SPEF2: variants seen among roughly 807,000 people sequenced by gnomAD.
The protein encoded by SPEF2 is sperm flagellar and cilia associated 2.
Under a neutral mutation model 224.6 loss-of-function variants are expected in SPEF2, and 187 were observed. The ratio of observed to expected loss-of-function variants is 0.83; its 90% CI spans 0.74 to 0.94. SPEF2 has a LOEUF of 0.94. Ranked by LOEUF, SPEF2 falls within the 40% of genes least tolerant of loss-of-function variation. The pLI is 0.00. For missense variants in SPEF2, 2,170 were observed against 2,135.6 expected, an observed-to-expected ratio of 1.02 and a Z score of -0.32; for synonymous variants, 715 against 707.3, an observed-to-expected ratio of 1.01 and a Z score of -0.17.
At chr5:35,813,056 T>C (rs1474746429) in intron 36 of SPEF2, among the ~76,000 whole-genome samples, 1 of 152,248 alleles carries the variant, frequency 6.6e-6, no homozygotes, top group Non-Finnish European at 1.5e-5. Context: ...TTTAAATATA[T>C]CTGGAGCTTA....
intron 21 of SPEF2, among the ~76,000 whole-genome samples, chr5:35,731,559 CT>C (rs1212570124): frequency 2.6e-5 from 4 of 152,078 alleles, no homozygotes; most frequent in Non-Finnish European, 5.9e-5. Context: ...AGCTTCATAA[CT>C]CATTATGGAA....
At chr5:35,713,351 G>C (rs1741590225) in intron 20 of SPEF2, among the ~76,000 whole-genome samples, 1 of 152,030 alleles carries the variant, frequency 6.6e-6, no homozygotes, top group South Asian at 2.1e-4. Context: ...TTTAATTTTT[G>C]CCATCTATTT....
intron 27 of SPEF2, 132 bp downstream of exon 27, chr5:35,771,888 C>T (rs1029091682): frequency 7.1e-6 from 8 of 1,124,558 alleles, no homozygotes; most frequent in African/African-American, 6.3e-5. Flanking sequence ...ACTAGAGACC[C>T]GGGCTTCTAT....
chr5:35,809,882 C>G (rs752779713), intron 36 of SPEF2, among the ~76,000 whole-genome samples: 3 of 152,100 alleles, frequency 2.0e-5, no homozygotes, highest in Non-Finnish European at 4.4e-5. Flanking sequence ...GGGAACAGCT[C>G]TCTTACATTG....
chr5:35,686,775 A>G (rs1438473331), intron 10 of SPEF2, among the ~76,000 whole-genome samples: 1 of 152,100 alleles, frequency 6.6e-6, no homozygotes, highest in Admixed American at 6.6e-5. Context: ...AAAATTGCCC[A>G]TTTATAGCCT....
intron 24 of SPEF2, among the ~76,000 whole-genome samples, chr5:35,756,242 A>G (rs958799352): frequency 6.6e-6 from 1 of 152,142 alleles, no homozygotes; most frequent in Non-Finnish European, 1.5e-5. Flanking sequence ...TTAGTAGCCA[A>G]TTTCGTTATC....
chr5:35,623,749 A>G (rs1020972504), intron 1 of SPEF2, among the ~76,000 whole-genome samples: 3 of 152,222 alleles, frequency 2.0e-5, no homozygotes, highest in Admixed American at 2.0e-4. Context: ...TTTAAACACG[A>G]ATGTTTGTAC....
chr5:35,750,106 G>A (rs2149715421), intron 23 of SPEF2, among the ~76,000 whole-genome samples: 1 of 152,248 alleles, frequency 6.6e-6, no homozygotes, highest in African/African-American at 2.4e-5. Flanking sequence ...GTTGGGGAAA[G>A]GACACCCTGT....
chr5:35,749,267 A>C (rs1272108223), intron 23 of SPEF2, among the ~76,000 whole-genome samples: 1 of 152,156 alleles, frequency 6.6e-6, no homozygotes, highest in Non-Finnish European at 1.5e-5. Context: ...GGAAAAGTTG[A>C]AAGCATTCCC....
intron 10 of SPEF2, among the ~76,000 whole-genome samples, chr5:35,673,263 C>T (rs573761225): frequency 6.0e-4 from 92 of 152,312 alleles, no homozygotes; most frequent in African/African-American, 1.9e-3. Context: ...AGCACAGCCC[C>T]ACACAGCAGC....
At chr5:35,622,404 A>G (rs192972217) in intron 1 of SPEF2, among the ~76,000 whole-genome samples, 1 of 152,356 alleles carries the variant, frequency 6.6e-6, no homozygotes, top group Admixed American at 6.5e-5. Context: ...GCAATAGTTC[A>G]TAACGTATTG....
chr5:35,692,580 A>G lies in SPEF2; in HGVS notation c.1755A>G (p.Ile585Met). Residue 585 changes from isoleucine to methionine, a missense_variant, in exon 12 of 37, where the codon ATA becomes ATG. Physicochemically the swap from Ile to Met is conservative, Grantham distance 10 (BLOSUM62 1). Transcript: ENST00000356031. Reference sequence around the variant, plus strand: ...TCTTTTGTACTTTAGACTTTCCTATACAGATACTTTCTATTGACACTCTTG... The same window carrying G: ...TCTTTTGTACTTTAGACTTTCCTATGCAGATACTTTCTATTGACACTCTTG... ...ILRSLQKDFP[I>M]QILSIDTLVQ... is the part of the protein sequence containing the mutation. The G allele has an allele frequency of 3.1e-6, 5 of 1,609,124 alleles. No individual in the cohort carries two copies. The highest frequency in any genetic ancestry group is 4.2e-6 in the Non-Finnish European group (5 of 1,177,726).
chr5:35,685,789 A>G lies in SPEF2; in HGVS notation c.1525-5248A>G, dbSNP rs2172756. ...TTTGGCCAATAATTTTTAAACTAGGAAAGAGTTCCCCTCCAGAAAATGGTT... is the reference window on the plus strand; with the variant it reads ...TTTGGCCAATAATTTTTAAACTAGGGAAGAGTTCCCCTCCAGAAAATGGTT... On this transcript the variant is annotated intron_variant, in intron 10 of 36. Transcript: ENST00000356031. Among the ~76,000 whole-genome samples, 37 of 151,994 alleles carry G rather than the reference A, an allele frequency of 2.4e-4. No homozygotes were observed. The East Asian group carries it at 2.9e-3, about 12-fold the overall frequency.
intron 23 of SPEF2, among the ~76,000 whole-genome samples, chr5:35,742,708 G>A (rs1464433235): frequency 6.6e-6 from 1 of 151,690 alleles, no homozygotes; most frequent in African/African-American, 2.4e-5. Flanking sequence ...TTTTCTGCTG[G>A]AGCATGCTCT....
chr5:35,728,028 A>G (rs1744970632), intron 21 of SPEF2, among the ~76,000 whole-genome samples: 2 of 152,078 alleles, frequency 1.3e-5, no homozygotes, highest in South Asian at 2.1e-4. Context: ...TTGAACTGCT[A>G]TTGAGTGCTA....
At chr5:35,671,867 A>G (rs1751255321) in intron 10 of SPEF2, among the ~76,000 whole-genome samples, 8 of 151,890 alleles carry the variant, frequency 5.3e-5, no homozygotes, top group Admixed American at 5.3e-4. Flanking sequence ...CTGTTTTTCT[A>G]GAAATGAAAA....
At position 35,763,649 on chromosome 5, in the gene SPEF2, G is replaced by A. The variant is rs770257352; in HGVS notation, c.3748G>A (p.Glu1250Lys). Reference protein sequence around the residue: ...ENVESNFEADEKLVMDTWQQA... With the variant: ...ENVESNFEADKKLVMDTWQQA... Reference sequence around the variant, plus strand: ...CGTTGAGTCCAACTTTGAGGCCGATGAAAAGTTGGTCATGGACACCTGGCA... The same window carrying A: ...CGTTGAGTCCAACTTTGAGGCCGATAAAAAGTTGGTCATGGACACCTGGCA... Residue 1250 changes from glutamate to lysine, a missense_variant, in exon 26 of 37, where the codon GAA becomes AAA. Glu to Lys is a moderately conservative substitution (Grantham distance 56). Transcript: ENST00000356031. 6 of 1,613,786 alleles carry A rather than the reference G, an allele frequency of 3.7e-6. No individual in the cohort carries two copies. The highest frequency in any genetic ancestry group is 5.1e-6 in the Non-Finnish European group (6 of 1,179,920).
rs1002321697 is a variant in SPEF2, at chr5:35,652,086, A to G, written c.792-2454A>G. ...TCTGCTACTAATAGATTATACACAT[A>G]CAATTATTACATTAGATGAAGGTCT... is the stretch of plus-strand genomic sequence containing the variant. On this transcript the variant is annotated intron_variant, in intron 6 of 36. Coordinates refer to ENST00000356031, the MANE Select transcript of SPEF2 (RefSeq NM_024867.4). 1.7e-4 allele frequency among the ~76,000 whole-genome samples: 26 copies of G among 152,220 alleles called. 1 individual carries two copies. Among genetic ancestry groups the G allele is most frequent in the African/African-American group, 6.3e-4 (26 of 41,462 alleles).
At chr5:35,629,615 A>G (rs1744801563) in intron 2 of SPEF2, among the ~76,000 whole-genome samples, 1 of 152,228 alleles carries the variant, frequency 6.6e-6, no homozygotes, top group Non-Finnish European at 1.5e-5. Flanking sequence ...AATATAATTT[A>G]TGTACCACAA....
Sources: allele counts gnomAD v4.1 joint callset (sites outside exome capture counted in the v4.1 genomes callset), GRCh38; gene constraint gnomAD v4.1.1; transcripts MANE v1.5; gene names NCBI Gene and HGNC (gene_info 2026-07-23, HGNC 2026-07-21).